MEGF6: variants seen among roughly 807,000 people sequenced by gnomAD.
The protein encoded by MEGF6 is multiple EGF like domains 6, also known as multiple epidermal growth factor-like domains protein 6.
MEGF6 carries 184 observed loss-of-function variants against 207.1 expected under a neutral mutation model. The ratio of observed to expected loss-of-function variants is 0.89; its 90% confidence interval spans 0.79 to 1.00. MEGF6 has a LOEUF of 1.00. Ranked by LOEUF, MEGF6 falls within the 50% of genes least tolerant of loss-of-function variation. The probability of loss-of-function intolerance (pLI) is 0.00; values close to 1 mark genes in which losing one functional copy is unlikely to be tolerated. For synonymous variants in MEGF6, 1,038 were observed against 910.0 expected (o/e 1.14, Z -2.53); for missense variants, 2,282 against 2,202.9 (o/e 1.04, Z -0.72).
At chr1:3,505,171 A>G (rs768003222) in intron 17 of MEGF6, 37 bp downstream of exon 17, 15 of 1,603,714 alleles carry the variant, frequency 9.4e-6, no homozygotes, top group Non-Finnish European at 1.3e-5. Flanking sequence ...ACACCCCACA[A>G]TGAGACTGCC....
chr1:3,550,235 C>G lies in MEGF6; in HGVS notation c.482-25989G>C, dbSNP rs191101850. On this transcript the variant is annotated intron_variant, in intron 4 of 36. Transcript: ENST00000356575. ...AAACCACGGTGTGTGCACACGCTCACAGCAGACTTGTCCACAGCCATCAGA... is the reference window on the plus strand; with the variant it reads ...AAACCACGGTGTGTGCACACGCTCAGAGCAGACTTGTCCACAGCCATCAGA... Among the ~76,000 whole-genome samples the G allele has an allele frequency of 5.6e-3, 849 of 152,352 alleles. 2 individuals carry two copies. The highest frequency in any genetic ancestry group is 1.0e-2 in the Non-Finnish European group (679 of 68,046).
At chr1:3,585,363 C>CATAT (rs1643878151) in intron 3 of MEGF6, among the ~76,000 whole-genome samples, 1 of 130,430 alleles carries the variant, frequency 7.7e-6, no homozygotes, top group African/African-American at 3.0e-5. Context: ...TGAGGACACA[C>CATAT]GTCCTGTGTG....
intron 5 of MEGF6, among the ~76,000 whole-genome samples, chr1:3,520,094 T>C (rs1407044295): frequency 1.3e-5 from 2 of 152,222 alleles, no homozygotes; most frequent in Non-Finnish European, 2.9e-5. Flanking sequence ...ACCTCTTCCC[T>C]GGGGTGGCAC....
chr1:3,541,285 G>A (rs1324454015), intron 4 of MEGF6, among the ~76,000 whole-genome samples: 3 of 152,190 alleles, frequency 2.0e-5, no homozygotes. Context: ...AGGGCTTGCG[G>A]AGGCTTTCGG....
At chr1:3,557,008 G>A (rs978481965) in intron 4 of MEGF6, among the ~76,000 whole-genome samples, 2 of 152,204 alleles carry the variant, frequency 1.3e-5, no homozygotes, top group Admixed American at 1.3e-4. Flanking sequence ...GGGGAAGGCA[G>A]GAGGGAAGGT....
chr1:3,579,696 A>G, intron 4 of MEGF6, 129 bp downstream of exon 4: 1 of 580,096 alleles, frequency 1.7e-6, no homozygotes, highest in South Asian at 2.9e-5. Flanking sequence ...TGTCCTCAGA[A>G]GAATGCCCGT....
intron 26 of MEGF6, 82 bp downstream of exon 26, chr1:3,498,289 C>T: frequency 6.8e-7 from 1 of 1,477,498 alleles, no homozygotes. Context: ...AAACCGGGCA[C>T]AGTCCTCAGC....
chr1:3,512,940 GT>G (rs1265001251), intron 7 of MEGF6, among the ~76,000 whole-genome samples: 1 of 152,192 alleles, frequency 6.6e-6, no homozygotes, highest in Non-Finnish European at 1.5e-5. Flanking sequence ...CCAGGGAAGA[GT>G]CAGGAACACC....
chr1:3,618,245 C>G, the MEGF6 span, among the ~76,000 whole-genome samples: 1 of 152,170 alleles, frequency 6.6e-6, no homozygotes, highest in Non-Finnish European at 1.5e-5. This position sits in a 1 kb window ranked among gnomAD's most constrained non-coding sequence, Gnocchi z 4.7. Context: ...GCCTGCCACG[C>G]TGACCAGAAC....
At chr1:3,531,663 C>T (rs1370462946) in intron 4 of MEGF6, among the ~76,000 whole-genome samples, 2 of 152,216 alleles carry the variant, frequency 1.3e-5, no homozygotes, top group East Asian at 1.9e-4. Flanking sequence ...CACAGGCACA[C>T]AGACTCACGT....
chr1:3,519,184 C>A (rs1309130725), intron 5 of MEGF6, among the ~76,000 whole-genome samples: 1 of 152,230 alleles, frequency 6.6e-6, no homozygotes, highest in Non-Finnish European at 1.5e-5. Context: ...AGGGCCAGAT[C>A]ATCCTGCCCA....
At chr1:3,543,852 T>C (rs1199983175) in intron 4 of MEGF6, among the ~76,000 whole-genome samples, 1 of 152,226 alleles carries the variant, frequency 6.6e-6, no homozygotes, top group African/African-American at 2.4e-5. Flanking sequence ...GGCTCTGCAG[T>C]GTCTGTCATG....
At chr1:3,580,881 A>G (rs575398872) in intron 3 of MEGF6, among the ~76,000 whole-genome samples, 54 of 152,078 alleles carry the variant, frequency 3.6e-4, no homozygotes, top group African/African-American at 1.2e-3. Context: ...GGGCTCAGTG[A>G]GTTTGTGTGT....
Position 3,594,435 on chromosome 1 carries a change from A to C in MEGF6, c.376+903T>G, listed in dbSNP as rs916123142. 6.6e-6 allele frequency among the ~76,000 whole-genome samples: 1 copy of C among 152,220 alleles called. No homozygotes were observed. The highest frequency in any genetic ancestry group is 1.5e-5 in the Non-Finnish European group (1 of 68,036). On this transcript the variant is annotated intron_variant, in intron 3 of 36. Transcript: ENST00000356575. The surrounding 1 kb of genome is among the most constrained non-coding windows in gnomAD (Gnocchi z 4.2). ...CAGAGTAAGACCTTACCTCTAAAAA[A>C]TAAACATAAAAAGTAACAAAATAAA...
At chr1:3,587,906 C>A (rs867859671) in intron 3 of MEGF6, among the ~76,000 whole-genome samples, 182 of 1,756 alleles carry the variant, frequency 0.1, 15 homozygotes, top group South Asian at 0.35. Context: ...GCAGGAGTGG[C>A]CAGGAGGGGG....
chr1:3,502,027 G>A (rs1453753910), intron 17 of MEGF6, 106 bp from the exon 18 acceptor site: 33 of 1,499,956 alleles, frequency 2.2e-5, no homozygotes, highest in Non-Finnish European at 2.9e-5. Flanking sequence ...GCCTCACATG[G>A]GCTCCTGGCG....
chr1:3,554,250 C>G (rs74050582), intron 4 of MEGF6, among the ~76,000 whole-genome samples: 2,234 of 152,278 alleles, frequency 0.015, 51 homozygotes, highest in African/African-American at 0.051. Flanking sequence ...ACTCTGGGTT[C>G]CAACACTGGG....
intron 16 of MEGF6, 27 bp downstream of exon 16, chr1:3,505,395 G>GCCCC (rs1267960629): frequency 6.6e-7 from 1 of 1,520,204 alleles, no homozygotes; most frequent in African/African-American, 1.5e-5. Context: ...GGCGCCCCCC[G>GCCCC]CCCCCAGACC....
the MEGF6 span, among the ~76,000 whole-genome samples, chr1:3,621,269 A>G: frequency 9.2e-5 from 14 of 152,214 alleles, no homozygotes; most frequent in Non-Finnish European, 1.9e-4. Context: ...TGACGCTGCC[A>G]CTAGACCACG....
Sources: allele counts gnomAD v4.1 joint callset (sites outside exome capture counted in the v4.1 genomes callset), GRCh38; gene constraint gnomAD v4.1.1; non-coding constraint Gnocchi (gnomAD v3.1); transcripts MANE v1.5; gene names NCBI Gene and HGNC (gene_info 2026-07-23, HGNC 2026-07-21).